The following CREB5 variants were observed in gnomAD, a reference collection of about 807,000 sequenced individuals.
The protein encoded by CREB5 is cyclic AMP-responsive element-binding protein 5.
In CREB5, 19 loss-of-function variants were observed where a neutral mutation model predicts 57.1. The ratio of observed to expected loss-of-function variants is 0.33; its 90% CI spans 0.23 to 0.49. CREB5 has a LOEUF of 0.49. CREB5 is among the 20% of genes least tolerant of loss of function. CREB5 has a pLI of 0.99. For synonymous variants in CREB5, 238 were observed against 238.3 expected, an observed-to-expected ratio of 1.00 and a Z score of 0.01; for missense variants, 579 against 671.6, an observed-to-expected ratio of 0.86 and a Z score of 1.52.
chr7:28,800,142 A>G (rs1808280672), intron 7 of CREB5, among the ~76,000 whole-genome samples: 1 of 152,178 alleles, frequency 6.6e-6, no homozygotes, highest in South Asian at 2.1e-4. Context: ...GCTACAAACT[A>G]AACTATTTTT....
chr7:28,560,881 T>TGCGCGCGCGTGCGTGCGTGCGC (rs1388491335), intron 4 of CREB5, among the ~76,000 whole-genome samples: 1 of 46,206 alleles, frequency 2.2e-5, no homozygotes, highest in Non-Finnish European at 4.1e-5. Flanking sequence ...TGCGCGTGCG[T>TGCGCGCGCGTGCGTGCGTGCGC]GCGTGCGTGT....
intron 1 of CREB5, among the ~76,000 whole-genome samples, chr7:28,466,939 G>A (rs1181448962): frequency 6.6e-6 from 1 of 152,246 alleles, no homozygotes; most frequent in African/African-American, 2.4e-5. Flanking sequence ...CAAAGAAAGT[G>A]CAATGTGCAC....
intron 4 of CREB5, among the ~76,000 whole-genome samples, chr7:28,563,949 C>A (rs767375087): frequency 1.3e-5 from 2 of 152,160 alleles, no homozygotes; most frequent in Non-Finnish European, 2.9e-5. Context: ...GGCAGCCTGT[C>A]CTCTTAGCAA....
intron 1 of CREB5, among the ~76,000 whole-genome samples, chr7:28,444,480 T>G (rs1452971818): frequency 6.6e-6 from 1 of 152,182 alleles, no homozygotes; most frequent in Non-Finnish European, 1.5e-5. Flanking sequence ...ATACCTACCT[T>G]TGAACTGTCG....
chr7:28,553,215 T>G (rs2128634988), intron 4 of CREB5, among the ~76,000 whole-genome samples: 1 of 152,344 alleles, frequency 6.6e-6, no homozygotes, highest in Non-Finnish European at 1.5e-5. Flanking sequence ...TTATTTTTTA[T>G]AAAACATGAT....
chr7:28,311,289 C>T (rs1785271983), intron 1 of CREB5, among the ~76,000 whole-genome samples: 1 of 152,162 alleles, frequency 6.6e-6, no homozygotes, highest in Non-Finnish European at 1.5e-5. Flanking sequence ...GAGGCAGGTA[C>T]TCTTTCTATC....
intron 2 of CREB5, 43 bp downstream of exon 2, chr7:28,488,289 T>C: frequency 1.9e-6 from 3 of 1,584,806 alleles, no homozygotes; most frequent in Non-Finnish European, 2.6e-6. Flanking sequence ...CAGGGCCTGC[T>C]TTCCGAAAGG....
chr7:28,770,508 T>C (rs1470717742), intron 7 of CREB5, among the ~76,000 whole-genome samples: 2 of 152,246 alleles, frequency 1.3e-5, no homozygotes, highest in Non-Finnish European at 2.9e-5. Flanking sequence ...GGTACATTTG[T>C]ACCTTTCATC....
intron 1 of CREB5, among the ~76,000 whole-genome samples, chr7:28,343,736 G>A (rs1395252794): frequency 1.3e-5 from 2 of 152,160 alleles, no homozygotes; most frequent in African/African-American, 4.8e-5. Flanking sequence ...ACCCAGTAGT[G>A]GGATTGCTGG....
chr7:28,483,366 G>A (rs1356662904), intron 1 of CREB5, among the ~76,000 whole-genome samples: 3 of 152,288 alleles, frequency 2.0e-5, no homozygotes, highest in Admixed American at 6.5e-5. Flanking sequence ...AGTGGCAGTC[G>A]AGGGTTTGAA....
chr7:28,534,743 G>A (rs1233864499), intron 4 of CREB5, among the ~76,000 whole-genome samples: 1 of 142,470 alleles, frequency 7.0e-6, no homozygotes, highest in African/African-American at 2.6e-5. Flanking sequence ...AAATATTTAT[G>A]TAGTGCTTAT....
chr7:28,459,914 A>G (rs1270148299), intron 1 of CREB5, among the ~76,000 whole-genome samples: 4 of 152,202 alleles, frequency 2.6e-5, no homozygotes, highest in Admixed American at 6.5e-5. Flanking sequence ...CATTTTATAG[A>G]TGAGGAAAAC....
chr7:28,492,198 C>T (rs142272071), intron 2 of CREB5, among the ~76,000 whole-genome samples: 58 of 152,318 alleles, frequency 3.8e-4, no homozygotes, highest in Middle Eastern at 6.8e-3. Flanking sequence ...TGGGGTTTTG[C>T]CATGTTGGCC....
chr7:28,432,321 A>G (rs139276253), intron 1 of CREB5, among the ~76,000 whole-genome samples: 6 of 152,252 alleles, frequency 3.9e-5, no homozygotes, highest in Admixed American at 6.5e-5. Context: ...TGTAGGAGTC[A>G]TTTGGCATAA....
intron 1 of CREB5, among the ~76,000 whole-genome samples, chr7:28,318,701 C>T (rs12537887): frequency 0.1 from 15,858 of 152,086 alleles, 947 homozygotes; most frequent in Middle Eastern, 0.25. Flanking sequence ...AGGGATCGTG[C>T]CTAAAATGTC....
At chr7:28,488,575 C>A (rs1161511374) in intron 2 of CREB5, among the ~76,000 whole-genome samples, 2 of 152,192 alleles carry the variant, frequency 1.3e-5, no homozygotes, top group Admixed American at 1.3e-4. Context: ...AAGGAGAGTG[C>A]TTACTTTTAC....
At chr7:28,378,510 T>C (rs1315821403) in intron 1 of CREB5, among the ~76,000 whole-genome samples, 3 of 152,228 alleles carry the variant, frequency 2.0e-5, no homozygotes, top group African/African-American at 7.2e-5. Context: ...TGATTTTATG[T>C]TTATTCCTCT....
At chr7:28,330,483 G>C (rs1480408597) in intron 1 of CREB5, among the ~76,000 whole-genome samples, 1 of 129,886 alleles carries the variant, frequency 7.7e-6, no homozygotes, top group Admixed American at 9.2e-5. Flanking sequence ...ATAGTGCTTT[G>C]CAGGTAGACC....
chr7:28,487,992 G>A (rs1791641406), intron 1 of CREB5, among the ~76,000 whole-genome samples, 183 bp from the exon 2 acceptor site: 2 of 152,142 alleles, frequency 1.3e-5, no homozygotes, highest in South Asian at 4.1e-4. Context: ...CAGCCTAGGT[G>A]AGCCCAAAGA....
Sources: allele counts gnomAD v4.1 joint callset (sites outside exome capture counted in the v4.1 genomes callset), GRCh38; gene constraint gnomAD v4.1.1; transcripts MANE v1.5; gene names NCBI Gene and HGNC (gene_info 2026-07-23, HGNC 2026-07-21).